The following ANGPT1 variants were observed in gnomAD, a reference collection of about 807,000 sequenced individuals.
The protein encoded by ANGPT1 is angiopoietin-1.
ANGPT1 carries 17 observed loss-of-function variants against 62.2 expected under a neutral mutation model. That is an observed-to-expected ratio of 0.27 (90% CI 0.19 to 0.41). ANGPT1 has a LOEUF of 0.41. ANGPT1 is among the 10% of genes least tolerant of loss of function. ANGPT1 has a pLI of 1.00. For synonymous variants in ANGPT1, 199 were observed against 198.9 expected, an observed-to-expected ratio of 1.00 and a Z score of 0.00; for missense variants, 478 against 594.9, an observed-to-expected ratio of 0.80 and a Z score of 2.04.
At chr8:107,271,954 G>T (rs1373864215) in intron 7 of ANGPT1, among the ~76,000 whole-genome samples, 1 of 149,540 alleles carries the variant, frequency 6.7e-6, no homozygotes. Flanking sequence ...TGCCAACCTA[G>T]CCTTTAATTC....
At chr8:107,336,598 G>A (rs1815570767) in intron 2 of ANGPT1, 1 of 166,954 alleles carries the variant, frequency 6.0e-6, no homozygotes, top group Non-Finnish European at 1.3e-5. Flanking sequence ...CCGGGAGGCG[G>A]AGCTTGCAGT....
intron 4 of ANGPT1, among the ~76,000 whole-genome samples, chr8:107,318,698 A>ATT (rs56697446): frequency 0.19 from 28,561 of 151,832 alleles, 2,975 homozygotes; most frequent in East Asian, 0.34. Flanking sequence ...TTAAATTTGA[A>ATT]TTTTTTAATG....
At chr8:107,431,862 A>G (rs1049717963) in intron 1 of ANGPT1, among the ~76,000 whole-genome samples, 2 of 152,212 alleles carry the variant, frequency 1.3e-5, no homozygotes, top group Non-Finnish European at 2.9e-5. Flanking sequence ...CATTAAGCAT[A>G]TATCCCTCCA....
chr8:107,382,736 C>T (rs1449057463), intron 1 of ANGPT1, among the ~76,000 whole-genome samples: 2 of 152,058 alleles, frequency 1.3e-5, no homozygotes, highest in East Asian at 1.9e-4. Context: ...ATTCTCTACC[C>T]AAACCCCGAA....
At chr8:107,490,016 G>T (rs1192353399) in intron 1 of ANGPT1, among the ~76,000 whole-genome samples, 1 of 152,012 alleles carries the variant, frequency 6.6e-6, no homozygotes, top group Non-Finnish European at 1.5e-5. Flanking sequence ...AGACAAGGCT[G>T]TGGCAGAATG....
intron 7 of ANGPT1, among the ~76,000 whole-genome samples, chr8:107,277,459 TG>T (rs1366720650): frequency 6.6e-6 from 1 of 152,188 alleles, no homozygotes; most frequent in Non-Finnish European, 1.5e-5. Flanking sequence ...TAAACTGTGC[TG>T]TACTAATGTT....
intron 1 of ANGPT1, among the ~76,000 whole-genome samples, chr8:107,470,697 C>G (rs952171999): frequency 1.3e-5 from 2 of 151,466 alleles, no homozygotes; most frequent in African/African-American, 2.4e-5. Context: ...TAGAAATTTA[C>G]AAGAAAAAAA....
At chr8:107,367,224 T>C (rs957468525) in intron 1 of ANGPT1, among the ~76,000 whole-genome samples, 2 of 152,228 alleles carry the variant, frequency 1.3e-5, no homozygotes, top group Admixed American at 1.3e-4. Context: ...CTTTTTGGTT[T>C]CTCAGTGCAT....
chr8:107,384,648 G>A (rs1015148546), intron 1 of ANGPT1, among the ~76,000 whole-genome samples: 4 of 151,960 alleles, frequency 2.6e-5, no homozygotes, highest in Non-Finnish European at 4.4e-5. Flanking sequence ...GAGGAAAAAG[G>A]GTAACAAACA....
chr8:107,281,253 C>T (rs1040986139), intron 7 of ANGPT1, among the ~76,000 whole-genome samples: 1 of 152,022 alleles, frequency 6.6e-6, no homozygotes, highest in African/African-American at 2.4e-5. Context: ...ATTAGGACCA[C>T]ACCTGTTACA....
chr8:107,497,450 GA>G lies in ANGPT1; in HGVS notation c.108del (p.Gln37AsnfsTer53). On this transcript the variant is annotated frameshift_variant, in exon 1 of 9. Transcript: ENST00000517746. LOFTEE classifies it high-confidence loss of function. ...AAAGTGTAGGCACATTGCCCATGTT[GA>G]ATCCGGTTATATCTTCTCCCACTGT... Reference protein sequence around the residue: ...PENSGRRYNRIQHGQCAYTFI... With the variant: ...PENSGRRYNRXQHGQCAYTFI... 6.2e-7 allele frequency: 1 copy of G among 1,614,158 alleles called. No homozygotes were observed.
At chr8:107,363,146 C>T (rs1443752649) in intron 1 of ANGPT1, among the ~76,000 whole-genome samples, 1 of 142,730 alleles carries the variant, frequency 7.0e-6, no homozygotes, top group Admixed American at 7.2e-5. Flanking sequence ...TCTTTTACTT[C>T]TGTGAGATAA....
chr8:107,497,790 T>C lies in ANGPT1; in HGVS notation c.-232A>G, dbSNP rs974405321. ...TGTTTTTCTTCGTTAAAACTTGAGA[T>C]ATTTATTGCATAGTAGCTGAGATTT... On this transcript the variant is annotated 5_prime_UTR_variant, in exon 1 of 9. The change creates a new upstream start codon in the 5' untranslated region. Coordinates refer to ENST00000517746, the MANE Select transcript of ANGPT1 (RefSeq NM_001146.5). 1 of 589,018 alleles carries C rather than the reference T, an allele frequency of 1.7e-6. No individual in the cohort carries two copies. The highest frequency in any genetic ancestry group is 1.9e-5 in the African/African-American group (1 of 53,790). The allele number at this position is 589,018 out of a possible 1,614,324, so 36.5% of individuals were successfully genotyped here. A position where few individuals can be genotyped will look rare whatever the true frequency, so the allele number is the denominator to read the frequency against.
chr8:107,375,753 T>C (rs1425975336), intron 1 of ANGPT1, among the ~76,000 whole-genome samples: 2 of 152,084 alleles, frequency 1.3e-5, no homozygotes, highest in East Asian at 1.9e-4. Context: ...GCAACAAGAC[T>C]TGGACCTCAC....
At chr8:107,445,688 T>C (rs915263706) in intron 1 of ANGPT1, among the ~76,000 whole-genome samples, 1 of 152,120 alleles carries the variant, frequency 6.6e-6, no homozygotes. Context: ...TCAAACATAA[T>C]TTCTGTTTTC....
At chr8:107,298,250 T>C (rs1814468409) in intron 5 of ANGPT1, among the ~76,000 whole-genome samples, 1 of 151,994 alleles carries the variant, frequency 6.6e-6, no homozygotes, top group Non-Finnish European at 1.5e-5. Flanking sequence ...GAATGTTAAT[T>C]ATTTTTCCAT....
At chr8:107,438,225 G>T (rs574433728) in intron 1 of ANGPT1, among the ~76,000 whole-genome samples, 18 of 152,252 alleles carry the variant, frequency 1.2e-4, no homozygotes, top group Non-Finnish European at 2.4e-4. Flanking sequence ...TTAGCATTAT[G>T]ATTATTTCTT....
At chr8:107,464,875 G>A (rs1427259126) in intron 1 of ANGPT1, among the ~76,000 whole-genome samples, 1 of 152,050 alleles carries the variant, frequency 6.6e-6, no homozygotes, top group Non-Finnish European at 1.5e-5. Context: ...TGGCGGTGGA[G>A]GACTGTGCAG....
chr8:107,478,149 A>G (rs1484941158), intron 1 of ANGPT1, among the ~76,000 whole-genome samples: 1 of 151,786 alleles, frequency 6.6e-6, no homozygotes, highest in African/African-American at 2.4e-5. Context: ...TTGAAAAATA[A>G]TGAAAATTTT....
Sources: gnomAD v4.1 joint callset for allele counts (sites outside exome capture counted in the v4.1 genomes callset) on GRCh38, gnomAD v4.1.1 for gene constraint, MANE v1.5 for transcripts, NCBI Gene and HGNC (gene_info 2026-07-23, HGNC 2026-07-21) for gene names.